Variants in LRFN2 observed in about 807,000 individuals in gnomAD.
LRFN2 encodes leucine rich repeat and fibronectin type III domain containing 2.
Under a neutral mutation model 37.3 loss-of-function variants are expected in LRFN2, and 18 were observed. The observed-to-expected ratio is 0.48, with a 90% confidence interval of 0.33 to 0.72. LRFN2 has a LOEUF of 0.72. Among genes scored for constraint, LRFN2 ranks in the 30% least tolerant of loss-of-function variants. The pLI is 0.02. For synonymous variants in LRFN2, 556 were observed against 466.6 expected (o/e 1.19, Z -2.47); for missense variants, 1,006 against 1,060.7 (o/e 0.95, Z 0.72).
intron 1 of LRFN2, among the ~76,000 whole-genome samples, chr6:40,448,631 C>T (rs1378954387): frequency 1.3e-5 from 2 of 152,168 alleles, no homozygotes; most frequent in East Asian, 3.8e-4. Context: ...ACTGCCTTTA[C>T]CAAAGGACCG....
chr6:40,391,727 T>G lies in LRFN2; in HGVS notation c.*216A>C. 7 of 440,508 alleles carry G rather than the reference T, an allele frequency of 1.6e-5. No homozygotes were observed. The highest frequency in any genetic ancestry group is 6.3e-5 in the South Asian group (1 of 15,776). The allele number at this position is 440,508 out of a possible 1,614,324, so 27.3% of individuals were successfully genotyped here. ...CAAACACTCAGGGCTCAGTCCGGCA[T>G]TTGAGCGAGTCCACATTCCCTGAGC... On this transcript the variant is annotated 3_prime_UTR_variant, in exon 3 of 3. Transcript: ENST00000338305.
At chr6:40,536,843 C>T (rs777963095) in intron 1 of LRFN2, among the ~76,000 whole-genome samples, 9 of 152,152 alleles carry the variant, frequency 5.9e-5, no homozygotes, top group Non-Finnish European at 1.3e-4. Flanking sequence ...GCGAAGGCAC[C>T]CCTGGAGGAT....
At chr6:40,482,283 G>A (rs1322315126) in intron 1 of LRFN2, among the ~76,000 whole-genome samples, 1 of 152,212 alleles carries the variant, frequency 6.6e-6, no homozygotes, top group Admixed American at 6.5e-5. Flanking sequence ...AATAGAACCA[G>A]ACCCGGATGA....
chr6:40,392,573 G>A lies in LRFN2; in HGVS notation c.1740C>T (p.Asn580=), dbSNP rs775496831. The A allele has an allele frequency of 2.4e-5, 39 of 1,605,840 alleles. No homozygotes were observed. The highest frequency in any genetic ancestry group is 1.6e-4 in the Middle Eastern group (1 of 6,074). The change falls in exon 3 of 3, where the codon AAC becomes AAT. Residue 580 remains asparagine (N), a synonymous_variant. Coordinates refer to ENST00000338305, the MANE Select transcript of LRFN2 (RefSeq NM_020737.3). This position sits in a 1 kb window ranked among gnomAD's most constrained non-coding sequence, Gnocchi z 4.7. ...TGCTTGGAGGCGGTGGCTGGGCGCC[G>A]TTGGTCTGCGAGTACACATTGCTCA... ...AAVSNVYSQT[N]GAQPPPPSSA...
rs1251330216 is a variant in LRFN2, at chr6:40,563,504, G to C, written c.-19+23437C>G. On this transcript the variant is annotated intron_variant, in intron 1 of 2. Transcript: ENST00000338305. ...CCATTAGGGAGCAGTTGTTTTTAGGGGGTTCCATCTGGATGAACATCACCT... is the reference window on the plus strand; with the variant it reads ...CCATTAGGGAGCAGTTGTTTTTAGGCGGTTCCATCTGGATGAACATCACCT... Among the ~76,000 whole-genome samples the C allele has an allele frequency of 2.0e-5, 3 of 152,102 alleles. No homozygotes were observed. In the East Asian group the frequency reaches 5.8e-4, roughly 29 times the overall value.
At chr6:40,503,082 G>A (rs918117694) in intron 1 of LRFN2, among the ~76,000 whole-genome samples, 1 of 152,232 alleles carries the variant, frequency 6.6e-6, no homozygotes, top group African/African-American at 2.4e-5. Flanking sequence ...GGACAGGGCA[G>A]AGGGTGGGTG....
intron 2 of LRFN2, among the ~76,000 whole-genome samples, chr6:40,421,617 G>A (rs970834093): frequency 3.3e-5 from 5 of 152,152 alleles, no homozygotes; most frequent in African/African-American, 7.2e-5. Flanking sequence ...AAAATAGATT[G>A]TAAATGTTTC....
At chr6:40,561,142 C>T (rs1253602131) in intron 1 of LRFN2, among the ~76,000 whole-genome samples, 1 of 152,172 alleles carries the variant, frequency 6.6e-6, no homozygotes, top group East Asian at 1.9e-4. Context: ...GCACTAGGAA[C>T]TCAGGCCCAA....
chr6:40,487,554 G>A (rs973682654), intron 1 of LRFN2, among the ~76,000 whole-genome samples: 7 of 152,272 alleles, frequency 4.6e-5, no homozygotes, highest in Non-Finnish European at 8.8e-5. Context: ...CGGCAGATGG[G>A]AAAGGGAGGT....
chr6:40,421,685 G>A (rs1581692383), intron 2 of LRFN2, among the ~76,000 whole-genome samples: 1 of 152,112 alleles, frequency 6.6e-6, no homozygotes, highest in Non-Finnish European at 1.5e-5. Flanking sequence ...AGGGTATAAT[G>A]AGGCACATGT....
At chr6:40,492,244 C>T (rs942867583) in intron 1 of LRFN2, among the ~76,000 whole-genome samples, 1 of 152,182 alleles carries the variant, frequency 6.6e-6, no homozygotes, top group African/African-American at 2.4e-5. Context: ...AGAGCCCTCC[C>T]CTGAGTCCCA....
chr6:40,531,888 C>G (rs1172974600), intron 1 of LRFN2, among the ~76,000 whole-genome samples: 1 of 152,180 alleles, frequency 6.6e-6, no homozygotes, highest in African/African-American at 2.4e-5. Flanking sequence ...GTGCCACTTT[C>G]TGTCCAAGAA....
At chr6:40,573,762 G>A (rs1220274583) in intron 1 of LRFN2, among the ~76,000 whole-genome samples, 3 of 152,174 alleles carry the variant, frequency 2.0e-5, no homozygotes, top group East Asian at 3.9e-4. Flanking sequence ...TGAATCACCC[G>A]AGGTCATGAG....
At chr6:40,517,592 C>G (rs898091889) in intron 1 of LRFN2, 2 of 152,246 alleles carry the variant, frequency 1.3e-5, no homozygotes, top group African/African-American at 4.8e-5. Context: ...CATTTCCCTG[C>G]TCGTTCATTT....
At chr6:40,548,027 C>A (rs1202386969) in intron 1 of LRFN2, among the ~76,000 whole-genome samples, 1 of 152,216 alleles carries the variant, frequency 6.6e-6, no homozygotes, top group Non-Finnish European at 1.5e-5. Flanking sequence ...AAGGCATCAT[C>A]TTTATTAAAG....
intron 2 of LRFN2, among the ~76,000 whole-genome samples, chr6:40,404,248 A>C (rs751466061): frequency 2.0e-5 from 3 of 151,698 alleles, no homozygotes; most frequent in Non-Finnish European, 4.4e-5. Flanking sequence ...CTAGAATGTC[A>C]GCTCCCTGAG....
intron 2 of LRFN2, among the ~76,000 whole-genome samples, chr6:40,409,821 A>T (rs1165702778): frequency 6.6e-6 from 1 of 152,156 alleles, no homozygotes; most frequent in Non-Finnish European, 1.5e-5. Context: ...TCCAAGCTGC[A>T]TGCCTGGAGG....
intron 1 of LRFN2, among the ~76,000 whole-genome samples, chr6:40,479,638 C>A (rs375265053): frequency 1.3e-4 from 20 of 152,278 alleles, no homozygotes; most frequent in African/African-American, 4.8e-4. Flanking sequence ...GCTAAAACAA[C>A]GTGAAGGAAG....
chr6:40,456,148 T>A (rs1764229708), intron 1 of LRFN2, among the ~76,000 whole-genome samples: 2 of 152,184 alleles, frequency 1.3e-5, no homozygotes, highest in Non-Finnish European at 2.9e-5. Context: ...TCCCCTAGAA[T>A]CAAGCCTACA....
Sources: gnomAD v4.1 joint callset for allele counts (sites outside exome capture counted in the v4.1 genomes callset) on GRCh38, gnomAD v4.1.1 for gene constraint, Gnocchi (gnomAD v3.1) non-coding constraint, MANE v1.5 for transcripts, NCBI Gene and HGNC (gene_info 2026-07-23, HGNC 2026-07-21) for gene names.